Variants in ACSF2 observed in about 807,000 individuals in gnomAD.
ACSF2 encodes acyl-CoA synthetase family member 2.
ACSF2 carries 52 observed loss-of-function variants against 79.3 expected under a neutral mutation model. The observed-to-expected ratio is 0.66, with a 90% CI of 0.53 to 0.83. ACSF2 has a LOEUF of 0.83. ACSF2 is among the 40% of genes least tolerant of loss of function. The pLI, the probability that ACSF2 is intolerant of heterozygous loss-of-function variation, is 0.00. For synonymous variants in ACSF2, 283 were observed against 312.6 expected, an observed-to-expected ratio of 0.91 and a Z score of 1.00; for missense variants, 661 against 803.3, an observed-to-expected ratio of 0.82 and a Z score of 2.14.
At chr17:50,461,951 T>TGTGTGTGTGTGCGC (rs112810352) in intron 4 of ACSF2, among the ~76,000 whole-genome samples, 33 of 150,480 alleles carry the variant, frequency 2.2e-4, no homozygotes, top group African/African-American at 8.1e-4. Context: ...TGTGTGTGTG[T>TGTGTGTGTGTGCGC]GCGTGTGTCC....
rs755639012 is a variant in ACSF2, at chr17:50,462,347, C to T, written c.626+45C>T. On this transcript the variant is annotated intron_variant, in intron 5 of 15. Coordinates refer to ENST00000300441, the MANE Select transcript of ACSF2 (RefSeq NM_025149.6). The stretch of plus-strand genomic sequence containing the variant: ...GTGGGTGGTGCATCATTCAGCATCC[C>T]TGATTCCTTCACTTCCTACCCACCC... 1.9e-6 allele frequency: 3 copies of T among 1,612,446 alleles called. No individual in the cohort carries two copies. In the South Asian group the frequency reaches 3.3e-5, roughly 18 times the overall value.
chr17:50,427,934 C>T (rs1477711921), intron 1 of ACSF2, among the ~76,000 whole-genome samples: 5 of 152,160 alleles, frequency 3.3e-5, no homozygotes, highest in African/African-American at 1.2e-4. Context: ...GTTTGGCCTA[C>T]TTTCTTTCTG....
chr17:50,441,233 G>A (rs888231441), intron 1 of ACSF2, among the ~76,000 whole-genome samples: 1 of 152,216 alleles, frequency 6.6e-6, no homozygotes, highest in Non-Finnish European at 1.5e-5. Context: ...GCAGTGGCAC[G>A]ATGTCGGCTC....
intron 10 of ACSF2, among the ~76,000 whole-genome samples, chr17:50,466,695 C>A (rs892162329): frequency 1.3e-5 from 2 of 152,242 alleles, no homozygotes; most frequent in African/African-American, 4.8e-5. Flanking sequence ...GCCAGCCAGA[C>A]GCTATTTGTG....
intron 1 of ACSF2, among the ~76,000 whole-genome samples, chr17:50,440,646 C>G (rs1026697115): frequency 5.3e-5 from 8 of 152,234 alleles, no homozygotes; most frequent in African/African-American, 1.9e-4. Context: ...GTTGCCAGCC[C>G]TGAGTGTCAC....
At position 50,437,243 on chromosome 17, in the gene ACSF2, T is replaced by A. The variant is rs117362707; in HGVS notation, c.128+10854T>A. On this transcript the variant is annotated intron_variant, in intron 1 of 15. Coordinates refer to ENST00000300441, the MANE Select transcript of ACSF2 (RefSeq NM_025149.6). ...GACTGCCATGAGCTAGGAGATATAT[T>A]GGACCAATGAGCTATAACACAAGAG... Among the ~76,000 whole-genome samples, 36 of 152,348 alleles carry A rather than the reference T, an allele frequency of 2.4e-4. No homozygotes were observed. The East Asian group carries it at 6.9e-3, about 29-fold the overall frequency.
At chr17:50,473,531 T>C in intron 12 of ACSF2, 134 bp from the exon 13 acceptor site, 1 of 1,264,720 alleles carries the variant, frequency 7.9e-7, no homozygotes, top group Non-Finnish European at 1.1e-6. Flanking sequence ...GACTGTGTCT[T>C]GTTCCTGCTA....
intron 1 of ACSF2, chr17:50,460,342 G>A (rs1334574193): frequency 1.7e-5 from 8 of 478,402 alleles, no homozygotes; most frequent in Non-Finnish European, 3.3e-5. Context: ...AGGGGCTAGG[G>A]GTGAAGGCAT....
intron 10 of ACSF2, chr17:50,467,891 G>T (rs1015358786): frequency 4.2e-6 from 3 of 712,868 alleles, no homozygotes; most frequent in Non-Finnish European, 4.6e-6. Flanking sequence ...ACAAGGCGAG[G>T]AAGGGAGGTG....
rs372856581 is a variant in ACSF2 at position 50,462,488 on chromosome 17, T to C, written c.695T>C (p.Val232Ala). 2.5e-6 allele frequency: 4 copies of C among 1,613,400 alleles called. No homozygotes were observed. In the East Asian group the frequency reaches 8.9e-5, roughly 36 times the overall value. Residue 232 changes from valine (V) to alanine (A), a missense_variant, in exon 6 of 16, where the codon GTG becomes GCG. By Grantham distance (64) the Val-to-Ala change is moderately conservative. Transcript: ENST00000300441. ...CCGGGGACCCTGCTCCTGGATGAAG[T>C]GGTGGCGGCTGGCAGCACACGGCAG... is the stretch of plus-strand genomic sequence containing the variant. ...PLPGTLLLDE[V>A]VAAGSTRQHL...
At chr17:50,437,204 A>G (rs2030501411) in intron 1 of ACSF2, among the ~76,000 whole-genome samples, 1 of 152,248 alleles carries the variant, frequency 6.6e-6, no homozygotes, top group Non-Finnish European at 1.5e-5. Context: ...ACGGGAAGGG[A>G]GAGCCTGCCT....
intron 1 of ACSF2, among the ~76,000 whole-genome samples, chr17:50,436,553 C>G (rs62062124): frequency 0.26 from 39,007 of 152,114 alleles, 5,301 homozygotes; most frequent in Middle Eastern, 0.37. Context: ...CCTGCCTCAG[C>G]CTCCCGAGTA....
At chr17:50,465,408 C>T (rs750171525) in intron 10 of ACSF2, 1 of 1,613,918 alleles carries the variant, frequency 6.2e-7, no homozygotes, top group Non-Finnish European at 8.5e-7. Flanking sequence ...GCACAGGTGG[C>T]ATCTGGGCGG....
chr17:50,441,840 A>AT (rs2030940354), intron 1 of ACSF2, among the ~76,000 whole-genome samples: 1 of 150,906 alleles, frequency 6.6e-6, no homozygotes, highest in Non-Finnish European at 1.5e-5. Flanking sequence ...TTATTTATTT[A>AT]TTTTTATTTA....
chr17:50,471,394 GT>G lies in ACSF2; in HGVS notation c.1323+264del. 1 of 487,508 alleles carries G rather than the reference GT, an allele frequency of 2.1e-6. No individual in the cohort carries two copies. Among genetic ancestry groups the G allele is most frequent in the South Asian group, 2.3e-5 (1 of 43,812 alleles). 30.2% of individuals were successfully genotyped at this position (487,508 alleles called of 1,614,324 possible). On this transcript the variant is annotated intron_variant, in intron 11 of 15. Coordinates refer to ENST00000300441, the MANE Select transcript of ACSF2 (RefSeq NM_025149.6). The surrounding 1 kb of genome is among the most constrained non-coding windows in gnomAD (Gnocchi z 4.1). ...CGGCCTCCCTTCCTGTCTGAGGTGT[GT>G]TTTTGCCAAGCCCACTGTCTGTTTC...
At chr17:50,472,616 G>A in intron 12 of ACSF2, 37 bp downstream of exon 12, 1 of 1,564,946 alleles carries the variant, frequency 6.4e-7, no homozygotes, top group Non-Finnish European at 8.7e-7. Flanking sequence ...TCTGGCCGCT[G>A]AGGGGAGGCT....
chr17:50,459,057 C>T (rs1049655360), intron 1 of ACSF2, among the ~76,000 whole-genome samples: 2 of 152,180 alleles, frequency 1.3e-5, no homozygotes, highest in East Asian at 1.9e-4. Flanking sequence ...AAAGCATGGT[C>T]GATAAATGCC....
intron 10 of ACSF2, chr17:50,464,747 C>A (rs958370471): frequency 3.5e-5 from 12 of 338,986 alleles, no homozygotes; most frequent in Admixed American, 1.8e-4. Flanking sequence ...TGATGACCAA[C>A]CTGTTGTGGT....
Position 50,473,767 on chromosome 17 carries a change from G to A in ACSF2, c.1578G>A (p.Glu526=), listed in dbSNP as rs1431713121. Residue 526 remains glutamate, a synonymous_variant, in exon 13 of 16, where the codon GAG becomes GAA. Transcript: ENST00000300441. The part of the protein sequence containing the change: ...GGENIYPAEL[E]DFFHTHPKVQ... The stretch of plus-strand genomic sequence containing the variant: ...AGAACATCTACCCCGCAGAGCTCGA[G>A]GACTTCTTTCACACACACCCGAAGG... 1 of 1,614,226 alleles carries A rather than the reference G, an allele frequency of 6.2e-7. No individual in the cohort carries two copies. The highest frequency in any genetic ancestry group is 1.7e-5 in the Admixed American group (1 of 60,026).
Sources: allele counts gnomAD v4.1 joint callset (sites outside exome capture counted in the v4.1 genomes callset), GRCh38; gene constraint gnomAD v4.1.1; non-coding constraint Gnocchi (gnomAD v3.1); transcripts MANE v1.5; gene names NCBI Gene and HGNC (gene_info 2026-07-23, HGNC 2026-07-21).